Variants in SUGT1 observed in about 807,000 individuals in gnomAD.
SUGT1 encodes SGT1 assembly cochaperone of MIS12 kinetochore complex, also known as protein SGT1 homolog.
SUGT1 carries 15 observed loss-of-function variants against 56.1 expected under a neutral mutation model. The observed-to-expected ratio is 0.27, with a 90% CI of 0.18 to 0.41. The LOEUF is 0.41. SUGT1 is among the 10% of genes least tolerant of loss of function. The pLI is 1.00. For synonymous variants in SUGT1, 123 were observed against 128.6 expected, an observed-to-expected ratio of 0.96 and a Z score of 0.30; for missense variants, 347 against 382.2, an observed-to-expected ratio of 0.91 and a Z score of 0.77.
At chr13:52,681,235 GAGAGACCCTATCTCTACAAAAAAA>G (rs1963359549) in intron 12 of SUGT1, among the ~76,000 whole-genome samples, 1 of 148,640 alleles carries the variant, frequency 6.7e-6, no homozygotes, top group Non-Finnish European at 1.5e-5. Flanking sequence ...GGGCAACATA[GAGAGACCCTATCTCTACAAAAAAA>G]AAAAAAAAAT....
rs761346662 is a variant in SUGT1, at chr13:52,680,009, A to T, written c.754A>T (p.Thr252Ser). Reference protein sequence around the residue: ...KNLYPSSSPYTRNWDKLVGEI... With the variant: ...KNLYPSSSPYSRNWDKLVGEI... The stretch of plus-strand genomic sequence containing the variant: ...CCTATATCCATCATCATCTCCTTAT[A>T]CAAGAAATTGGGATAAATTGGTTGG... Residue 252 changes from threonine to serine, a missense_variant, in exon 12 of 13, where the codon ACA (threonine) becomes TCA (serine). Coordinates refer to ENST00000310528, the MANE Select transcript of SUGT1 (RefSeq NM_006704.5). 1 of 1,600,666 alleles carries T rather than the reference A, an allele frequency of 6.2e-7. No homozygotes were observed. Among genetic ancestry groups the T allele is most frequent in the Admixed American group, 1.8e-5 (1 of 55,586 alleles).
chr13:52,665,649 TCAAA>T lies in SUGT1; in HGVS notation c.438_441del (p.Thr147AsnfsTer4), dbSNP rs1029381759. 1 of 1,586,596 alleles carries T rather than the reference TCAAA, an allele frequency of 6.3e-7. No individual in the cohort carries two copies. The highest frequency in any genetic ancestry group is 1.4e-5 in the African/African-American group (1 of 73,076). On this transcript the variant is annotated frameshift_variant, in exon 9 of 13. Coordinates refer to ENST00000310528, the MANE Select transcript of SUGT1 (RefSeq NM_006704.5). LOFTEE classifies it high-confidence loss of function. Reference sequence around the variant, plus strand: ...TTTTTTTTAATAGGTATGACTGGTATCAAACAGAATCTCAAGTAGTCATTACACT... The same window carrying T: ...TTTTTTTTAATAGGTATGACTGGTATCAGAATCTCAAGTAGTCATTACACT...
chr13:52,666,981 C>T (rs1008787377), intron 10 of SUGT1, 62 bp downstream of exon 10: 1 of 1,097,080 alleles, frequency 9.1e-7, no homozygotes, highest in Non-Finnish European at 1.4e-6. Flanking sequence ...TACTGGTGAA[C>T]TAATCACCCA....
In SUGT1 at chr13:52,694,284, T is replaced by G. The variant is rs1040740702; in HGVS notation, c.*6449T>G. The G allele has an allele frequency of 2.0e-5, 3 of 152,332 alleles. No homozygotes were observed. Among genetic ancestry groups the G allele is most frequent in the African/African-American group, 7.2e-5 (3 of 41,580 alleles). The allele number at this position is 152,332 out of a possible 1,614,324, so 9.4% of individuals were successfully genotyped here. ...GGTGGAAATCCTAGAGAAGATTTTTTTGTGTTGTAAGTTCAGTCTTTCAAG... is the reference window on the plus strand; with the variant it reads ...GGTGGAAATCCTAGAGAAGATTTTTGTGTGTTGTAAGTTCAGTCTTTCAAG... On this transcript the variant is annotated 3_prime_UTR_variant, in exon 13 of 13. Coordinates refer to ENST00000310528, the MANE Select transcript of SUGT1 (RefSeq NM_006704.5).
At chr13:52,670,065 G>A (rs1227101408) in intron 10 of SUGT1, among the ~76,000 whole-genome samples, 2 of 152,144 alleles carry the variant, frequency 1.3e-5, no homozygotes, top group African/African-American at 2.4e-5. Flanking sequence ...TGTAAAATTT[G>A]CAGCTTAAAA....
intron 6 of SUGT1, 60 bp from the exon 7 acceptor site, chr13:52,663,036 A>G (rs1962538058): frequency 1.9e-6 from 3 of 1,570,942 alleles, no homozygotes; most frequent in Non-Finnish European, 2.6e-6. Context: ...AAATCATACA[A>G]ATAACTTTGC....
At chr13:52,670,744 G>A (rs1192796026) in intron 10 of SUGT1, among the ~76,000 whole-genome samples, 1 of 152,088 alleles carries the variant, frequency 6.6e-6, no homozygotes, top group African/African-American at 2.4e-5. Flanking sequence ...GGAGGCGGAG[G>A]TTGCAGTGAG....
rs1159069577 is a variant in SUGT1, at chr13:52,695,021, A to G, written c.*7186A>G. ...GATGTTTTTATGAGTTAATTCATCA[A>G]TCTTATTATTCTTGCCCCAAATGAA... On this transcript the variant is annotated 3_prime_UTR_variant, in exon 13 of 13. Transcript: ENST00000310528. 2.6e-5 allele frequency: 4 copies of G among 152,228 alleles called. No individual in the cohort carries two copies. The highest frequency in any genetic ancestry group is 9.7e-5 in the African/African-American group (4 of 41,446). The allele number at this position is 152,228 out of a possible 1,614,324, so 9.4% of individuals were successfully genotyped here.
chr13:52,665,467 A>G (rs1292275832), intron 8 of SUGT1, among the ~76,000 whole-genome samples, 170 bp from the exon 9 acceptor site: 1 of 151,502 alleles, frequency 6.6e-6, no homozygotes, highest in Non-Finnish European at 1.5e-5. Flanking sequence ...TTCCATTAGT[A>G]CAGAGCATAA....
intron 5 of SUGT1, chr13:52,661,607 A>G (rs1329666266): frequency 2.4e-6 from 1 of 418,398 alleles, no homozygotes; most frequent in East Asian, 1.0e-4. Flanking sequence ...TCTGGGAAAA[A>G]GTTAAGTTAA....
At chr13:52,662,800 C>A in intron 6 of SUGT1, 98 bp downstream of exon 6, 2 of 1,254,756 alleles carry the variant, frequency 1.6e-6, no homozygotes, top group South Asian at 1.4e-5. Flanking sequence ...TTTATAATTT[C>A]TTTTAAATAG....
chr13:52,659,109 T>G, intron 4 of SUGT1, 70 bp from the exon 5 acceptor site: 1 of 1,295,048 alleles, frequency 7.7e-7, no homozygotes, highest in Non-Finnish European at 1.0e-6. Context: ...ATACTAAGTT[T>G]TTTATTTAGA....
intron 11 of SUGT1, among the ~76,000 whole-genome samples, chr13:52,678,972 A>G (rs1300371145): frequency 2.0e-5 from 3 of 152,104 alleles, no homozygotes; most frequent in Non-Finnish European, 4.4e-5. Context: ...GTGAGCCCCC[A>G]TGCCCGGCCT....
intron 6 of SUGT1, 49 bp from the exon 7 acceptor site, chr13:52,663,047 T>C: frequency 6.3e-7 from 1 of 1,592,628 alleles, no homozygotes; most frequent in Non-Finnish European, 8.5e-7. Flanking sequence ...ATAACTTTGC[T>C]TAAAAATGCA....
Position 52,699,743 on chromosome 13 carries a change from T to A in SUGT1, c.*11908T>A, listed in dbSNP as rs1242838172. ...AAAGATGATTAATTATCAAGGCTGA[T>A]GAAATATAGGCAGCTGAAAAGAAAA... On this transcript the variant is annotated 3_prime_UTR_variant, in exon 13 of 13. Transcript: ENST00000310528. 2 of 152,194 alleles carry A rather than the reference T, an allele frequency of 1.3e-5. No individual in the cohort carries two copies. Among genetic ancestry groups the A allele is most frequent in the Non-Finnish European group, 1.5e-5 (1 of 68,028 alleles). The allele number at this position is 152,194 out of a possible 1,614,324, so 9.4% of individuals were successfully genotyped here.
chr13:52,659,346 A>T, intron 5 of SUGT1, 97 bp downstream of exon 5: 1 of 666,608 alleles, frequency 1.5e-6, no homozygotes, highest in East Asian at 3.5e-5. Context: ...TAATTGTAGA[A>T]ACCCAATACC....
intron 11 of SUGT1, among the ~76,000 whole-genome samples, chr13:52,679,659 C>T (rs1365388877): frequency 6.6e-6 from 1 of 152,160 alleles, no homozygotes; most frequent in African/African-American, 2.4e-5. Context: ...GTATACTTTT[C>T]ATCTAGTTTC....
Position 52,680,242 on chromosome 13 carries a change from G to A in SUGT1, c.900+87G>A, listed in dbSNP as rs1037520097. ...AATTGGTAATGTGAGACCAAATTGC[G>A]TGTACTATAGCTGGGAGAACTTTTT... On this transcript the variant is annotated intron_variant, in intron 12 of 12. Transcript: ENST00000310528. 1.9e-5 allele frequency: 25 copies of A among 1,283,320 alleles called. No individual in the cohort carries two copies. In the East Asian group the frequency reaches 2.9e-4, roughly 15 times the overall value. 79.5% of individuals were successfully genotyped at this position (1,283,320 alleles called of 1,614,324 possible).
intron 12 of SUGT1, among the ~76,000 whole-genome samples, chr13:52,685,046 A>G (rs867025195): frequency 2.8e-5 from 4 of 143,712 alleles, no homozygotes; most frequent in South Asian, 2.2e-4. Flanking sequence ...TGGTAGGTCT[A>G]TCTTCACTTT....
Sources: allele counts gnomAD v4.1 joint callset (sites outside exome capture counted in the v4.1 genomes callset), GRCh38; gene constraint gnomAD v4.1.1; transcripts MANE v1.5; gene names NCBI Gene and HGNC (gene_info 2026-07-23, HGNC 2026-07-21).